TRPM7: variants seen among roughly 807,000 people sequenced by gnomAD.
TRPM7 encodes the protein LTRPC ion channel family member 7.
TRPM7 carries 134 observed loss-of-function variants against 229.7 expected under a neutral mutation model. The ratio of observed to expected loss-of-function variants is 0.58; its 90% confidence interval spans 0.51 to 0.67. The LOEUF is 0.67. Among genes scored for constraint, TRPM7 ranks in the 30% least tolerant of loss-of-function variants. The pLI, the probability that TRPM7 is intolerant of heterozygous loss-of-function variation, is 0.00. For missense variants in TRPM7, 1,901 were observed against 2,210.0 expected, an observed-to-expected ratio of 0.86 and a Z score of 2.80; for synonymous variants, 699 against 715.2, an observed-to-expected ratio of 0.98 and a Z score of 0.36.
chr15:50,681,408 T>C lies in TRPM7; in HGVS notation c.3+5123A>G, dbSNP rs374187416. 8.5e-5 allele frequency among the ~76,000 whole-genome samples: 13 copies of C among 152,334 alleles called. No individual in the cohort carries two copies. The South Asian group carries it at 1.5e-3, about 17-fold the overall frequency. On this transcript the variant is annotated intron_variant, in intron 1 of 38. Transcript: ENST00000646667. ...CAGAGTATCTTCCGGGTACTGGGTA[T>C]GATAAATTAGACTAGGAAGACTATC... is the stretch of plus-strand genomic sequence containing the variant.
intron 12 of TRPM7, among the ~76,000 whole-genome samples, chr15:50,621,788 TGGGAGGTCGA>T (rs1567027567): frequency 1.3e-5 from 2 of 152,166 alleles, no homozygotes; most frequent in Admixed American, 1.3e-4. Context: ...CCCAGCACTT[TGGGAGGTCGA>T]GGCAGTGGAT....
intron 3 of TRPM7, among the ~76,000 whole-genome samples, chr15:50,651,284 G>T (rs1373102340): frequency 6.6e-6 from 1 of 152,122 alleles, no homozygotes; most frequent in Non-Finnish European, 1.5e-5. Flanking sequence ...GACCAGAAAA[G>T]AACGAGATGA....
chr15:50,562,364 G>A (rs1215540826), intron 38 of TRPM7, among the ~76,000 whole-genome samples: 2 of 152,106 alleles, frequency 1.3e-5, no homozygotes, highest in South Asian at 2.1e-4. Flanking sequence ...ATGTAGGCGT[G>A]GGAATGTAGC....
rs752814152 is a variant in TRPM7 at position 50,583,076 on chromosome 15, G to T, written c.4557+13C>A. 5.1e-6 allele frequency: 8 copies of T among 1,569,890 alleles called. No individual in the cohort carries two copies. Among genetic ancestry groups the T allele is most frequent in the Non-Finnish European group, 6.9e-6 (8 of 1,156,170 alleles). ...TTTAATAATATATATCTGTTTAGTT[G>T]AAATCTACAAACCGGTATTAAAGCT... is the stretch of plus-strand genomic sequence containing the variant. On this transcript the variant is annotated intron_variant, in intron 29 of 38. Transcript: ENST00000646667.
chr15:50,625,855 A>AAAT (rs2060543259), intron 11 of TRPM7, among the ~76,000 whole-genome samples: 2 of 152,218 alleles, frequency 1.3e-5, no homozygotes, highest in African/African-American at 4.8e-5. Context: ...ATCTCCAAGA[A>AAAT]AATAATACTT....
chr15:50,591,605 G>A lies in TRPM7; in HGVS notation c.4324+306C>T, dbSNP rs1002429938. Among the ~76,000 whole-genome samples the A allele has an allele frequency of 1.2e-4, 18 of 151,200 alleles. No homozygotes were observed. In the South Asian group the frequency reaches 1.5e-3, roughly 12 times the overall value. ...TTCAGCTTCTGGGTGCAAGCAGTTCGCCTGCCTCAGCCTCCTGAGTAGCTG... is the reference window on the plus strand; with the variant it reads ...TTCAGCTTCTGGGTGCAAGCAGTTCACCTGCCTCAGCCTCCTGAGTAGCTG... On this transcript the variant is annotated intron_variant, in intron 26 of 38. Coordinates refer to ENST00000646667, the MANE Select transcript of TRPM7 (RefSeq NM_017672.6).
chr15:50,583,691 C>T (rs2054541588), intron 28 of TRPM7, among the ~76,000 whole-genome samples: 1 of 151,862 alleles, frequency 6.6e-6, no homozygotes, highest in African/African-American at 2.4e-5. Flanking sequence ...ATTCTCCTGC[C>T]TCAGCCTCCC....
chr15:50,656,009 C>CA (rs58988824), intron 3 of TRPM7, among the ~76,000 whole-genome samples: 153 of 139,286 alleles, frequency 1.1e-3, no homozygotes, highest in African/African-American at 2.7e-3. Flanking sequence ...AAGAAAAAAA[C>CA]AAAAAAAAAA....
At chr15:50,672,155 G>C (rs141213282) in intron 1 of TRPM7, among the ~76,000 whole-genome samples, 1 of 151,978 alleles carries the variant, frequency 6.6e-6, no homozygotes, top group East Asian at 1.9e-4. Context: ...CCGGGTTCAC[G>C]CCATTCTCCT....
intron 22 of TRPM7, among the ~76,000 whole-genome samples, chr15:50,597,381 T>C (rs2059660211): frequency 6.6e-6 from 1 of 152,250 alleles, no homozygotes; most frequent in Non-Finnish European, 1.5e-5. Flanking sequence ...TAGTATTTGG[T>C]AATTTTTAAA....
At position 50,613,850 on chromosome 15, in the gene TRPM7, G is replaced by T. The variant is rs777941096; in HGVS notation, c.1636-9C>A. The T allele has an allele frequency of 1.2e-6, 2 of 1,605,098 alleles. No individual in the cohort carries two copies. Among genetic ancestry groups the T allele is most frequent in the Non-Finnish European group, 1.7e-6 (2 of 1,177,948 alleles). On this transcript the variant is annotated splice_polypyrimidine_tract_variant and intron_variant, in intron 14 of 38. Coordinates refer to ENST00000646667, the MANE Select transcript of TRPM7 (RefSeq NM_017672.6). ...GTATTTCGGCCAGACCTCTGAAAAT[G>T]AGATCTTATTAGCTTTTATAGATTT... is the stretch of plus-strand genomic sequence containing the variant.
intron 2 of TRPM7, among the ~76,000 whole-genome samples, chr15:50,662,317 ACT>A (rs2061744954): frequency 6.8e-6 from 1 of 147,462 alleles, no homozygotes; most frequent in South Asian, 2.1e-4. Flanking sequence ...ACAGAGCAAG[ACT>A]CTGTTCCAAA....
intron 1 of TRPM7, among the ~76,000 whole-genome samples, chr15:50,670,000 T>C (rs149001304): frequency 9.2e-5 from 14 of 152,318 alleles, no homozygotes; most frequent in South Asian, 2.1e-4. Context: ...AGGATAAGCT[T>C]ACTGAATGTT....
At chr15:50,682,786 CT>C (rs1567132826) in intron 1 of TRPM7, among the ~76,000 whole-genome samples, 1 of 152,104 alleles carries the variant, frequency 6.6e-6, no homozygotes, top group Admixed American at 6.6e-5. Context: ...TGACACCCAT[CT>C]TAAGTTCTTT....
At chr15:50,572,154 G>T (rs956732201) in intron 36 of TRPM7, among the ~76,000 whole-genome samples, 2 of 152,174 alleles carry the variant, frequency 1.3e-5, no homozygotes, top group Non-Finnish European at 2.9e-5. Flanking sequence ...ATGCAGTGAC[G>T]TGAGCCTGTA....
At chr15:50,648,980 T>G in intron 3 of TRPM7, 95 bp from the exon 4 acceptor site, 6 of 841,442 alleles carry the variant, frequency 7.1e-6, no homozygotes, top group Non-Finnish European at 8.5e-6. Flanking sequence ...ATATAAGCTT[T>G]AAAATTTTTA....
intron 3 of TRPM7, among the ~76,000 whole-genome samples, chr15:50,650,772 G>C (rs1308901629): frequency 1.3e-5 from 2 of 152,024 alleles, no homozygotes; most frequent in African/African-American, 4.8e-5. Context: ...AGACCTGAAA[G>C]GATCAAACTG....
rs1193710160 is a variant in TRPM7 at position 50,561,142 on chromosome 15, A to AC, written c.*535dup. The AC allele has an allele frequency of 6.5e-6, 1 of 152,790 alleles. No individual in the cohort carries two copies. The highest frequency in any genetic ancestry group is 2.4e-5 in the African/African-American group (1 of 41,442). The allele number at this position is 152,790 out of a possible 1,614,324, so 9.5% of individuals were successfully genotyped here. ...GTTCAGGCTTCTCATACCTCTGTGA[A>AC]CCTAGAATTAGAACAAGTCATTTCC... On this transcript the variant is annotated 3_prime_UTR_variant, in exon 39 of 39. Coordinates refer to ENST00000646667, the MANE Select transcript of TRPM7 (RefSeq NM_017672.6).
At chr15:50,671,334 T>C (rs933767500) in intron 1 of TRPM7, among the ~76,000 whole-genome samples, 2 of 152,142 alleles carry the variant, frequency 1.3e-5, no homozygotes, top group Admixed American at 6.6e-5. Context: ...TCCTGGCTTA[T>C]TTCACTTAAC....
Sources: gnomAD v4.1 joint callset for allele counts (sites outside exome capture counted in the v4.1 genomes callset) on GRCh38, gnomAD v4.1.1 for gene constraint, MANE v1.5 for transcripts, NCBI Gene and HGNC (gene_info 2026-07-23, HGNC 2026-07-21) for gene names.